FLNB: variants seen among roughly 807,000 people sequenced by gnomAD.
FLNB encodes the protein filamin B, also known as filamin-B.
A neutral mutation model predicts 250.6 loss-of-function variants in FLNB; 111 were observed. The observed-to-expected ratio is 0.44, with a 90% CI of 0.38 to 0.52. FLNB has a LOEUF of 0.52. Among genes scored for constraint, FLNB ranks in the 20% least tolerant of loss-of-function variants. FLNB has a pLI of 0.00. For missense variants in FLNB, 2,869 were observed against 3,447.8 expected (o/e 0.83, Z 4.20); for synonymous variants, 1,302 against 1,372.1 (o/e 0.95, Z 1.13).
intron 1 of FLNB, among the ~76,000 whole-genome samples, chr3:58,056,916 G>C (rs1576645050): frequency 6.6e-6 from 1 of 152,250 alleles, no homozygotes; most frequent in East Asian, 1.9e-4. Context: ...ACAATTGACT[G>C]TAATTTCTCA....
rs957570616 is a variant in FLNB, at chr3:58,170,664, G to A, written c.7711G>A (p.Val2571Ile). Reference protein sequence around the residue: ...MKHVGNQQYNVTYVVKERGDY... With the variant: ...MKHVGNQQYNITYVVKERGDY... ...GCATGTAGGCAACCAGCAATACAAC[G>A]TCACATACGTCGTCAAGGAGAGGGG... The change falls in exon 46 of 46, where the codon GTC becomes ATC. Residue 2571 changes from valine (V) to isoleucine (I), a missense_variant. Val to Ile is a conservative substitution (Grantham distance 29). This residue lies in a region of FLNB where 1,084 missense variants were observed against 1,315.5 expected (regional missense o/e 0.82). Transcript: ENST00000295956. 14 of 1,613,968 alleles carry A rather than the reference G, an allele frequency of 8.7e-6. No individual in the cohort carries two copies. Among genetic ancestry groups the A allele is most frequent in the African/African-American group, 2.7e-5 (2 of 74,884 alleles).
chr3:58,022,345 A>C (rs1057471197), intron 1 of FLNB, among the ~76,000 whole-genome samples: 2 of 152,230 alleles, frequency 1.3e-5, no homozygotes, highest in Non-Finnish European at 2.9e-5. Context: ...AATTATATGT[A>C]GTAGACAACT....
intron 28 of FLNB, among the ~76,000 whole-genome samples, chr3:58,136,746 C>CTTTTTTTTTTTTTTTTTTTTTTT (rs57053256): frequency 2.5e-5 from 2 of 79,814 alleles, no homozygotes; most frequent in African/African-American, 1.1e-4. Flanking sequence ...ACAGGCCATT[C>CTTTTTTTTTTTTTTTTTTTTTTT]TTTTTTTTTT....
At chr3:58,090,232 CCTGTCCCA>C in intron 4 of FLNB, among the ~76,000 whole-genome samples, 1 of 152,100 alleles carries the variant, frequency 6.6e-6, no homozygotes, top group East Asian at 1.9e-4. Flanking sequence ...ACCTCCAAAT[CCTGTCCCA>C]CTGTCCCACT....
intron 18 of FLNB, among the ~76,000 whole-genome samples, chr3:58,113,948 A>G (rs7616838): frequency 0.42 from 64,162 of 151,942 alleles, 16,921 homozygotes; most frequent in East Asian, 0.97. Flanking sequence ...AAACCTGCGG[A>G]TATTACAGGC....
rs567891992 is a variant in FLNB at position 58,094,763 on chromosome 3, A to G, written c.788-73A>G. 7.7e-4 allele frequency: 956 copies of G among 1,245,690 alleles called. 17 individuals carry two copies. In the South Asian group the frequency reaches 8.3e-3, roughly 11 times the overall value. The allele number at this position is 1,245,690 out of a possible 1,614,324, so 77.2% of individuals were successfully genotyped here. A position where few individuals can be genotyped will look rare whatever the true frequency, so the allele number is the denominator to read the frequency against. On this transcript the variant is annotated intron_variant, in intron 4 of 45. Transcript: ENST00000295956. ...GGGTCCCATCTCTCAGTTCCCTGAA[A>G]GAGATGCAGTGGGCGATGGCTCATG...
chr3:58,078,228 T>C (rs1279158364), intron 2 of FLNB: 5 of 1,331,666 alleles, frequency 3.8e-6, no homozygotes, highest in Non-Finnish European at 4.8e-6. Flanking sequence ...TTAGGATACC[T>C]CTTTCCAATT....
chr3:58,084,580 G>A lies in FLNB; in HGVS notation c.787+2804G>A, dbSNP rs577666486. ...TAAAAAAAAATTTTTTTTTATATGT[G>A]TGCTTTTTGCATTTTTTTAATTGTG... On this transcript the variant is annotated intron_variant, in intron 4 of 45. Transcript: ENST00000295956. Among the ~76,000 whole-genome samples, 19 of 151,886 alleles carry A rather than the reference G, an allele frequency of 1.3e-4. 1 individual carries two copies. In the South Asian group the frequency reaches 3.1e-3, roughly 25 times the overall value.
At chr3:58,106,943 G>T in intron 12 of FLNB, 70 bp downstream of exon 12, 1 of 1,254,622 alleles carries the variant, frequency 8.0e-7, no homozygotes, top group Non-Finnish European at 1.2e-6. Context: ...GCCCGAAGTT[G>T]CCTTAAGCAG....
Position 58,106,768 on chromosome 3 carries a change from G to T in FLNB, c.1836G>T (p.Glu612Asp). 1 of 1,614,152 alleles carries T rather than the reference G, an allele frequency of 6.2e-7. No individual in the cohort carries two copies. The highest frequency in any genetic ancestry group is 8.5e-7 in the Non-Finnish European group (1 of 1,180,018). ...GSCDVKYWPK[E>D]PGEYAVHIMC... is the part of the protein sequence containing the mutation. ...GTGATGTCAAATACTGGCCCAAGGA[G>T]CCTGGCGAATATGCTGTTCACATCA... The change falls in exon 12 of 46, where the codon GAG becomes GAT. Residue 612 changes from glutamate to aspartate, a missense_variant. Glu to Asp is a conservative substitution (Grantham distance 45, BLOSUM62 2). Around this residue, in one of 5 missense-constraint regions of FLNB, gnomAD observed 1,348 missense variants for 1,466.7 expected, o/e 0.92. Coordinates refer to ENST00000295956, the MANE Select transcript of FLNB (RefSeq NM_001457.4).
At chr3:58,094,790 C>G (rs2097235167) in intron 4 of FLNB, 46 bp from the exon 5 acceptor site, 1 of 1,511,728 alleles carries the variant, frequency 6.6e-7, no homozygotes, top group African/African-American at 1.4e-5. Context: ...TGGCTCATGA[C>G]ACACCCTCGC....
At chr3:58,103,075 C>T (rs1031848691) in intron 9 of FLNB, among the ~76,000 whole-genome samples, 1 of 152,166 alleles carries the variant, frequency 6.6e-6, no homozygotes, top group Non-Finnish European at 1.5e-5. Context: ...TTGCTCTTAC[C>T]TTCTGTGTTC....
At chr3:58,087,241 T>A (rs888721151) in intron 4 of FLNB, among the ~76,000 whole-genome samples, 1 of 152,234 alleles carries the variant, frequency 6.6e-6, no homozygotes, top group Non-Finnish European at 1.5e-5. Flanking sequence ...TATTTTTTTT[T>A]ATATGGTATC....
At chr3:58,117,726 A>G (rs1346148528) in intron 18 of FLNB, among the ~76,000 whole-genome samples, 4 of 151,796 alleles carry the variant, frequency 2.6e-5, no homozygotes, top group Non-Finnish European at 4.4e-5. Flanking sequence ...CAGGGGGCCA[A>G]TTGGTTTTGT....
At chr3:58,014,253 C>A (rs775289841) in intron 1 of FLNB, among the ~76,000 whole-genome samples, 1 of 152,178 alleles carries the variant, frequency 6.6e-6, no homozygotes, top group Non-Finnish European at 1.5e-5. Context: ...ATCCTACTTG[C>A]TAAAATACGG....
chr3:58,117,164 C>T (rs542181633), intron 18 of FLNB, among the ~76,000 whole-genome samples: 1 of 152,288 alleles, frequency 6.6e-6, no homozygotes, highest in African/African-American at 2.4e-5. Flanking sequence ...CCATCACTAC[C>T]CAGACATCCC....
intron 1 of FLNB, among the ~76,000 whole-genome samples, chr3:58,063,085 G>A (rs761321042): frequency 1.1e-4 from 17 of 152,134 alleles, no homozygotes; most frequent in Non-Finnish European, 2.1e-4. Flanking sequence ...ACAGGGAATC[G>A]ACCCACTCAT....
In FLNB at chr3:58,088,212, T is replaced by C. The variant is rs551600630; in HGVS notation, c.787+6436T>C. Reference sequence around the variant, plus strand: ...ATAGGCATCTACCATCACACCTGGCTAATTTTTGTATTTTTAGTAGAGACG... The same window carrying C: ...ATAGGCATCTACCATCACACCTGGCCAATTTTTGTATTTTTAGTAGAGACG... On this transcript the variant is annotated intron_variant, in intron 4 of 45. Transcript: ENST00000295956. Among the ~76,000 whole-genome samples the C allele has an allele frequency of 5.9e-5, 9 of 151,816 alleles. No homozygotes were observed. The South Asian group carries it at 1.7e-3, about 28-fold the overall frequency.
intron 8 of FLNB, among the ~76,000 whole-genome samples, chr3:58,100,371 A>ATATATATATATATATATATATATATATAT (rs1273706014): frequency 1.6e-4 from 4 of 25,248 alleles, no homozygotes; most frequent in African/African-American, 1.2e-3. Flanking sequence ...ATGTAAAAAA[A>ATATATATATATATATATATATATATATAT]AAATATATAT....
Sources: gnomAD v4.1 joint callset for allele counts (sites outside exome capture counted in the v4.1 genomes callset) on GRCh38, gnomAD v4.1.1 for gene constraint, gnomAD v4.1.1 regional missense constraint, MANE v1.5 for transcripts, NCBI Gene and HGNC (gene_info 2026-07-23, HGNC 2026-07-21) for gene names.